SUMF1: variants seen among roughly 807,000 people sequenced by gnomAD.
The protein encoded by SUMF1 is formylglycine-generating enzyme.
Under a neutral mutation model 47.6 loss-of-function variants are expected in SUMF1, and 48 were observed. The ratio of observed to expected loss-of-function variants is 1.01; its 90% CI spans 0.80 to 1.28. SUMF1 has a LOEUF of 1.28. Among genes scored for constraint, SUMF1 ranks in the 50% most tolerant of loss-of-function variants. The probability of loss-of-function intolerance (pLI) is 0.00; values close to 1 mark genes in which losing one functional copy is unlikely to be tolerated. For missense variants in SUMF1, 571 were observed against 485.4 expected, an observed-to-expected ratio of 1.18 and a Z score of -1.66; for synonymous variants, 230 against 192.1, an observed-to-expected ratio of 1.20 and a Z score of -1.63.
At position 4,185,772 on chromosome 3, in the gene SUMF1, C is replaced by T. The variant is rs149009507; in HGVS notation, c.1015-117027G>A. Among the ~76,000 whole-genome samples, 464 of 152,288 alleles carry T rather than the reference C, an allele frequency of 3.0e-3. 4 individuals are homozygous for T. The highest frequency in any genetic ancestry group is 0.011 in the African/African-American group (438 of 41,566). The stretch of plus-strand genomic sequence containing the variant: ...AATAAAGAGAAGGAAAGTGTTTATA[C>T]ATACATGGGTAACTGCAGACACATG... On this transcript the variant is annotated intron_variant and NMD_transcript_variant, in intron 8 of 12. Transcript: ENST00000448413.
intron 8 of SUMF1, among the ~76,000 whole-genome samples, chr3:4,172,594 C>T (rs1694857392): frequency 6.6e-6 from 1 of 152,142 alleles, no homozygotes; most frequent in Admixed American, 6.5e-5. Flanking sequence ...TGCCTAAGAT[C>T]ACACAGCTAA....
intron 7 of SUMF1, among the ~76,000 whole-genome samples, chr3:4,400,174 A>G (rs1701165389): frequency 6.6e-6 from 1 of 152,216 alleles, no homozygotes; most frequent in Non-Finnish European, 1.5e-5. Context: ...TGCCCAGAAA[A>G]GCTGCTCAGA....
rs544777714 is a variant in SUMF1, at chr3:4,241,962, G to T, written c.1014+134368C>A. Among the ~76,000 whole-genome samples, 11 of 152,224 alleles carry T rather than the reference G, an allele frequency of 7.2e-5. No individual in the cohort carries two copies. In the East Asian group the frequency reaches 1.9e-3, roughly 27 times the overall value. On this transcript the variant is annotated intron_variant and NMD_transcript_variant, in intron 8 of 12. Transcript: ENST00000448413. ...CCCTAATCTTCTTACTATGCAAATGGGCTTTCCACTTGGCTGGCACCATGT... is the reference window on the plus strand; with the variant it reads ...CCCTAATCTTCTTACTATGCAAATGTGCTTTCCACTTGGCTGGCACCATGT...
chr3:4,366,819 T>A (rs1448971116), intron 8 of SUMF1, among the ~76,000 whole-genome samples: 1 of 152,082 alleles, frequency 6.6e-6, no homozygotes, highest in Admixed American at 6.5e-5. Context: ...CCAGTTTTTC[T>A]GCTCTGTTTT....
intron 8 of SUMF1, among the ~76,000 whole-genome samples, chr3:4,257,959 A>G (rs1051919306): frequency 6.6e-6 from 1 of 152,066 alleles, no homozygotes; most frequent in Non-Finnish European, 1.5e-5. Flanking sequence ...ATAACGCCGC[A>G]TGTCTACAAC....
At chr3:4,422,491 T>TA (rs1701931340) in intron 3 of SUMF1, among the ~76,000 whole-genome samples, 5 of 150,900 alleles carry the variant, frequency 3.3e-5, no homozygotes, top group African/African-American at 9.8e-5. Flanking sequence ...CATTAGTGAT[T>TA]TAAAAAAAAA....
At chr3:4,346,780 G>A (rs951138518) in intron 8 of SUMF1, among the ~76,000 whole-genome samples, 12 of 151,910 alleles carry the variant, frequency 7.9e-5, no homozygotes, top group African/African-American at 2.2e-4. Flanking sequence ...AAGATAGACC[G>A]CTAGCTAGGC....
At chr3:4,289,815 T>C (rs929127986) in intron 8 of SUMF1, among the ~76,000 whole-genome samples, 3 of 152,228 alleles carry the variant, frequency 2.0e-5, no homozygotes, top group Admixed American at 2.0e-4. Context: ...ACACAGTTGG[T>C]ACTTAATAAA....
At chr3:4,217,059 G>A (rs985054702) in intron 8 of SUMF1, among the ~76,000 whole-genome samples, 3 of 152,108 alleles carry the variant, frequency 2.0e-5, no homozygotes, top group African/African-American at 7.2e-5. Context: ...AAAGACACAT[G>A]CACACGTATG....
chr3:4,231,106 G>C (rs1696288561), intron 8 of SUMF1, among the ~76,000 whole-genome samples: 1 of 152,120 alleles, frequency 6.6e-6, no homozygotes, highest in African/African-American at 2.4e-5. Flanking sequence ...CACCATGCCA[G>C]AGAATGACAA....
chr3:4,215,522 A>G (rs952672362), intron 8 of SUMF1, among the ~76,000 whole-genome samples: 1 of 152,198 alleles, frequency 6.6e-6, no homozygotes, highest in Non-Finnish European at 1.5e-5. Flanking sequence ...CCTATTCAAC[A>G]TAGTATTGAA....
chr3:4,251,527 T>A (rs1696801390), intron 8 of SUMF1, among the ~76,000 whole-genome samples: 1 of 152,228 alleles, frequency 6.6e-6, no homozygotes. Flanking sequence ...CATCACATGC[T>A]TTACAGAGAA....
intron 1 of SUMF1, among the ~76,000 whole-genome samples, chr3:4,456,153 G>A (rs942986966): frequency 6.6e-6 from 1 of 152,140 alleles, no homozygotes; most frequent in African/African-American, 2.4e-5. Flanking sequence ...CAAAGGCATT[G>A]ATAAAATTCA....
At chr3:4,411,065 A>C in intron 6 of SUMF1, 87 bp from the exon 7 acceptor site, 1 of 1,043,858 alleles carries the variant, frequency 9.6e-7, no homozygotes, top group East Asian at 2.4e-5. Context: ...AAGAGCTTTA[A>C]TTTCAGAGTA....
intron 9 of SUMF1, among the ~76,000 whole-genome samples, chr3:4,053,871 T>C (rs1193421817): frequency 6.6e-6 from 1 of 152,082 alleles, no homozygotes; most frequent in African/African-American, 2.4e-5. Context: ...TGGATAAACT[T>C]AGAAAATGAA....
chr3:4,038,613 C>A (rs115124029), intron 9 of SUMF1, among the ~76,000 whole-genome samples: 1 of 152,006 alleles, frequency 6.6e-6, no homozygotes, highest in Non-Finnish European at 1.5e-5. Context: ...GAGCAAAGGG[C>A]GAAGGGCTCA....
chr3:4,277,197 G>C (rs1353713200), intron 8 of SUMF1, among the ~76,000 whole-genome samples: 1 of 152,028 alleles, frequency 6.6e-6, no homozygotes, highest in Non-Finnish European at 1.5e-5. Context: ...TGAAGCACAG[G>C]CAGGTCTAGG....
chr3:4,293,131 G>C (rs1697773654), intron 8 of SUMF1, among the ~76,000 whole-genome samples: 1 of 152,110 alleles, frequency 6.6e-6, no homozygotes, highest in Non-Finnish European at 1.5e-5. Context: ...CTAGAGTCAG[G>C]GTTCAGGATA....
rs1227045583 is a variant in SUMF1, at chr3:4,049,434, C to A, written c.1191+19135G>T. ...TGCTGGATGGCACTAATGACCACCA[C>A]CACAACAGACTGCGTAGGAGAAAAC... On this transcript the variant is annotated intron_variant and NMD_transcript_variant, in intron 9 of 12. Coordinates refer to the SUMF1 transcript ENST00000448413. Among the ~76,000 whole-genome samples the A allele has an allele frequency of 4.6e-5, 7 of 152,290 alleles. No homozygotes were observed. In the East Asian group the frequency reaches 1.3e-3, roughly 29 times the overall value.
Sources: gnomAD v4.1 joint callset for allele counts (sites outside exome capture counted in the v4.1 genomes callset) on GRCh38, gnomAD v4.1.1 for gene constraint, MANE v1.5 for transcripts, NCBI Gene and HGNC (gene_info 2026-07-23, HGNC 2026-07-21) for gene names.